NCR1: variants seen among roughly 807,000 people sequenced by gnomAD.
NCR1 encodes natural cytotoxicity triggering receptor 1.
In NCR1, 30 loss-of-function variants were observed where a neutral mutation model predicts 32.5. The observed-to-expected ratio is 0.92, with a 90% CI of 0.69 to 1.25. The LOEUF (loss-of-function observed/expected upper bound fraction) is 1.25, where lower values mean the gene tolerates loss of function less well. Among genes scored for constraint, NCR1 ranks in the 50% most tolerant of loss-of-function variants. The probability of loss-of-function intolerance (pLI) is 0.00; values close to 1 mark genes in which losing one functional copy is unlikely to be tolerated. For synonymous variants in NCR1, 169 were observed against 143.4 expected, an observed-to-expected ratio of 1.18 and a Z score of -1.28; for missense variants, 369 against 380.7, an observed-to-expected ratio of 0.97 and a Z score of 0.26.
the NCR1 span, among the ~76,000 whole-genome samples, chr19:54,933,203 T>C: frequency 6.6e-6 from 1 of 152,160 alleles, no homozygotes; most frequent in African/African-American, 2.4e-5. Context: ...TGGAGTGCAG[T>C]GGTGCGATCT....
chr19:54,922,759 C>G, the NCR1 span, among the ~76,000 whole-genome samples: 1 of 104,786 alleles, frequency 9.5e-6, no homozygotes, highest in Non-Finnish European at 1.8e-5. Context: ...GCATGGGCGA[C>G]AAGAGTGAAA....
chr19:54,915,983 G>A (rs1429622830), downstream of NCR1: 4 of 148,656 alleles, frequency 2.7e-5, no homozygotes, highest in African/African-American at 5.0e-5. Context: ...AAATACTAGT[G>A]AACAGTGAAT....
chr19:54,932,106 G>A, the NCR1 span, among the ~76,000 whole-genome samples: 1 of 152,054 alleles, frequency 6.6e-6, no homozygotes, highest in Non-Finnish European at 1.5e-5. Flanking sequence ...TTCGTATAAC[G>A]ATCAGGTAGG....
the NCR1 span, among the ~76,000 whole-genome samples, chr19:54,932,314 G>A: frequency 2.6e-5 from 4 of 151,958 alleles, no homozygotes; most frequent in Admixed American, 2.6e-4. Flanking sequence ...TGTAATCCCA[G>A]CTACTTGGGA....
chr19:54,902,509 C>G (rs587636879), upstream of NCR1, among the ~76,000 whole-genome samples: 2 of 152,030 alleles, frequency 1.3e-5, no homozygotes, highest in Non-Finnish European at 2.9e-5. Context: ...TCAAGCAATC[C>G]ACCCACCTCG....
chr19:54,924,093 G>C, the NCR1 span, among the ~76,000 whole-genome samples: 1 of 152,102 alleles, frequency 6.6e-6, no homozygotes, highest in Non-Finnish European at 1.5e-5. Context: ...TCAGGCTCCT[G>C]AGTAACTGTG....
At chr19:54,917,540 T>C (rs2068160719), downstream of NCR1, among the ~76,000 whole-genome samples, 1 of 151,862 alleles carries the variant, frequency 6.6e-6, no homozygotes, top group African/African-American at 2.4e-5. Context: ...AGGTTGGTCT[T>C]GAACTCCCGA....
At chr19:54,929,465 C>T in the NCR1 span, among the ~76,000 whole-genome samples, 1 of 152,132 alleles carries the variant, frequency 6.6e-6, no homozygotes, top group East Asian at 1.9e-4. Flanking sequence ...ATTAGGATTG[C>T]AGATTCTAGT....
intron 5 of NCR1, 45 bp from the exon 6 acceptor site, chr19:54,912,123 A>T (rs748238312): frequency 6.5e-7 from 1 of 1,545,242 alleles, no homozygotes; most frequent in African/African-American, 1.4e-5. Flanking sequence ...GCTGGGGTGG[A>T]GGAGGTCAAA....
At chr19:54,919,879 A>G (rs530808823), downstream of NCR1, among the ~76,000 whole-genome samples, 9 of 152,210 alleles carry the variant, frequency 5.9e-5, no homozygotes, top group Non-Finnish European at 1.2e-4. Flanking sequence ...CTGTCCGGGC[A>G]TAACAGAAGG....
chr19:54,929,688 G>A, the NCR1 span, among the ~76,000 whole-genome samples: 1 of 152,226 alleles, frequency 6.6e-6, no homozygotes, highest in South Asian at 2.1e-4. Flanking sequence ...GGTCACTGGG[G>A]GCCATTGTTA....
chr19:54,916,646 AC>A (rs952897303), downstream of NCR1, among the ~76,000 whole-genome samples: 11 of 120,824 alleles, frequency 9.1e-5, no homozygotes, highest in Admixed American at 6.4e-4. Context: ...CTCTCCTACC[AC>A]CCCCAGCCCC....
In NCR1 at chr19:54,909,265, C is replaced by T; in HGVS notation, c.376C>T (p.Leu126Phe). Residue 126 changes from leucine to phenylalanine, a missense_variant, in exon 4 of 7, where the codon CTC (leucine) becomes TTC (phenylalanine). Transcript: ENST00000291890. ...CATAGAAATGTATGACACACCCACC[C>T]TCTCGGTTCATCCTGGACCCGAAGT... ...VVTEMYDTPT[L>F]SVHPGPEVIS... 6.2e-7 allele frequency: 1 copy of T among 1,613,388 alleles called. No homozygotes were observed. Among genetic ancestry groups the T allele is most frequent in the Non-Finnish European group, 8.5e-7 (1 of 1,179,432 alleles).
chr19:54,910,120 CT>C, intron 5 of NCR1, 55 bp downstream of exon 5: 37 of 1,534,686 alleles, frequency 2.4e-5, no homozygotes, highest in Non-Finnish European at 3.3e-5. Context: ...CCCAGTGACA[CT>C]AAAAACGTGG....
chr19:54,935,866 T>C, the NCR1 span, among the ~76,000 whole-genome samples: 2 of 152,050 alleles, frequency 1.3e-5, no homozygotes, highest in Admixed American at 6.6e-5. Flanking sequence ...CTGTGCCTGA[T>C]CTGAGATCGA....
At chr19:54,923,779 G>GT in the NCR1 span, 1 of 1,613,838 alleles carries the variant, frequency 6.2e-7, no homozygotes, top group Admixed American at 1.7e-5. Flanking sequence ...CCGTTGCCCC[G>GT]GAAGCATTGC....
the NCR1 span, among the ~76,000 whole-genome samples, chr19:54,936,624 C>T: frequency 8.4e-3 from 1,262 of 150,624 alleles, 5 homozygotes; most frequent in Non-Finnish European, 0.013. Context: ...GAGTCTGAGA[C>T]CAACCTGGGC....
the NCR1 span, among the ~76,000 whole-genome samples, chr19:54,925,147 C>G: frequency 6.6e-6 from 1 of 152,040 alleles, no homozygotes; most frequent in Non-Finnish European, 1.5e-5. Flanking sequence ...CTCAAACAAT[C>G]CTCCCACCTT....
the NCR1 span, among the ~76,000 whole-genome samples, chr19:54,937,334 T>C: frequency 3.3e-5 from 5 of 151,926 alleles, no homozygotes; most frequent in Admixed American, 3.3e-4. Flanking sequence ...CACGGTTACC[T>C]GTGTAACTAA....
Sources: gnomAD v4.1 joint callset for allele counts (sites outside exome capture counted in the v4.1 genomes callset) on GRCh38, gnomAD v4.1.1 for gene constraint, MANE v1.5 for transcripts, NCBI Gene and HGNC (gene_info 2026-07-23, HGNC 2026-07-21) for gene names.